The following MCF2L2 variants were observed in gnomAD, a reference collection of about 807,000 sequenced individuals.
MCF2L2 encodes MCF.2 cell line derived transforming sequence-like 2.
A neutral mutation model predicts 150.2 loss-of-function variants in MCF2L2; 102 were observed. That is an observed-to-expected ratio of 0.68 (90% CI 0.58 to 0.80). The LOEUF (loss-of-function observed/expected upper bound fraction) is 0.80, where lower values mean the gene tolerates loss of function less well. MCF2L2 is among the 30% of genes least tolerant of loss of function. The probability of loss-of-function intolerance (pLI) is 0.00; values close to 1 mark genes in which losing one functional copy is unlikely to be tolerated. For missense variants in MCF2L2, 1,256 were observed against 1,372.8 expected (o/e 0.91, Z 1.34); for synonymous variants, 465 against 491.3 (o/e 0.95, Z 0.71).
chr3:183,362,122 T>TC (rs1712246452), intron 3 of MCF2L2, among the ~76,000 whole-genome samples: 1 of 151,986 alleles, frequency 6.6e-6, no homozygotes, highest in East Asian at 1.9e-4. Flanking sequence ...TTTTTTTTTT[T>TC]GAGTTGGAGT....
intron 15 of MCF2L2, among the ~76,000 whole-genome samples, chr3:183,263,614 A>T (rs919428456): frequency 1.3e-5 from 2 of 151,960 alleles, no homozygotes; most frequent in African/African-American, 2.4e-5. Flanking sequence ...ACATTCATGA[A>T]ATTAGTCATC....
chr3:183,351,889 T>C (rs1185131872), intron 3 of MCF2L2, among the ~76,000 whole-genome samples: 1 of 152,218 alleles, frequency 6.6e-6, no homozygotes, highest in Non-Finnish European at 1.5e-5. Context: ...TAACAGAAGC[T>C]CATCTCAAGC....
intron 15 of MCF2L2, among the ~76,000 whole-genome samples, chr3:183,244,357 C>A (rs1187341738): frequency 6.6e-6 from 1 of 152,116 alleles, no homozygotes; most frequent in African/African-American, 2.4e-5. Flanking sequence ...TGGCACTTGG[C>A]CACAGACTGC....
At chr3:183,395,917 CAA>C (rs11338932) in intron 1 of MCF2L2, among the ~76,000 whole-genome samples, 54 of 58,072 alleles carry the variant, frequency 9.3e-4, no homozygotes, top group African/African-American at 3.4e-3. Flanking sequence ...GACATCGTCT[CAA>C]AAAAAAAAAA....
chr3:183,310,688 A>G (rs1419711269), intron 9 of MCF2L2: 6 of 506,874 alleles, frequency 1.2e-5, no homozygotes, highest in Non-Finnish European at 2.1e-5. Context: ...ATAAACCATC[A>G]CTGAAATGCC....
intron 6 of MCF2L2, 95 bp downstream of exon 6, chr3:183,323,140 A>T: frequency 1.2e-6 from 1 of 825,870 alleles, no homozygotes; most frequent in Non-Finnish European, 2.0e-6. Flanking sequence ...AGGCAGTCAC[A>T]GGGTGACCTC....
intron 5 of MCF2L2, among the ~76,000 whole-genome samples, chr3:183,323,602 A>G (rs1379771476): frequency 6.6e-6 from 1 of 151,710 alleles, no homozygotes; most frequent in Non-Finnish European, 1.5e-5. Context: ...GACCAGCCAG[A>G]GCAACATAGC....
intron 2 of MCF2L2, among the ~76,000 whole-genome samples, chr3:183,389,313 C>T (rs118111013): frequency 1.2e-4 from 19 of 152,290 alleles, no homozygotes; most frequent in African/African-American, 2.4e-4. Context: ...CAGCAACGCT[C>T]GGGAACCCTT....
intron 5 of MCF2L2, among the ~76,000 whole-genome samples, chr3:183,329,670 A>G (rs1192659843): frequency 1.3e-5 from 2 of 152,278 alleles, no homozygotes; most frequent in Non-Finnish European, 2.9e-5. Context: ...GAAAGAAGTC[A>G]GACTCAGACT....
chr3:183,211,596 A>C (rs932783656), intron 22 of MCF2L2, among the ~76,000 whole-genome samples: 2 of 152,224 alleles, frequency 1.3e-5, no homozygotes, highest in Admixed American at 6.5e-5. Context: ...AGCTGCAGGG[A>C]CATTCCCTGA....
chr3:183,419,954 T>C (rs1478462843), intron 1 of MCF2L2, among the ~76,000 whole-genome samples: 1 of 152,218 alleles, frequency 6.6e-6, no homozygotes, highest in Non-Finnish European at 1.5e-5. Context: ...AAGTTCAAAG[T>C]TCTACAGATC....
At chr3:183,246,717 G>A (rs1283072378) in intron 15 of MCF2L2, among the ~76,000 whole-genome samples, 1 of 152,086 alleles carries the variant, frequency 6.6e-6, no homozygotes, top group East Asian at 1.9e-4. Context: ...TGGGATTGCT[G>A]GATCATAGGA....
chr3:183,364,388 T>C lies in MCF2L2; in HGVS notation c.275+14909A>G, dbSNP rs1022732804. On this transcript the variant is annotated intron_variant, in intron 3 of 29. Transcript: ENST00000328913. ...AAAAAAAATTAGCTGGGCATGGTGG[T>C]GGGTGCCTGTAGTCCCAGCTACTCA... 5.7e-4 allele frequency among the ~76,000 whole-genome samples: 87 copies of C among 151,528 alleles called. 1 individual carries two copies. Among genetic ancestry groups the C allele is most frequent in the Non-Finnish European group, 3.2e-4 (22 of 67,876 alleles).
intron 27 of MCF2L2, among the ~76,000 whole-genome samples, chr3:183,184,913 T>C (rs866713247): frequency 6.9e-6 from 1 of 144,520 alleles, no homozygotes. Flanking sequence ...ACAACTTTTT[T>C]TTTCTTTTTC....
At chr3:183,228,443 A>C (rs1235406815) in intron 17 of MCF2L2, 77 bp from the exon 18 acceptor site, 1 of 1,003,186 alleles carries the variant, frequency 1.0e-6, no homozygotes, top group Non-Finnish European at 1.5e-6. Context: ...GTACAATCAC[A>C]TAAGGTTTCA....
intron 2 of MCF2L2, among the ~76,000 whole-genome samples, chr3:183,382,596 G>A (rs920498425): frequency 2.1e-4 from 32 of 152,264 alleles, no homozygotes; most frequent in African/African-American, 7.2e-4. Context: ...ACCTTCTGAG[G>A]AAACGCGGTA....
At chr3:183,184,838 A>G (rs1413859716) in intron 27 of MCF2L2, among the ~76,000 whole-genome samples, 1 of 152,166 alleles carries the variant, frequency 6.6e-6, no homozygotes, top group African/African-American at 2.4e-5. Flanking sequence ...GTAGCTCTCA[A>G]TCCATAGATA....
intron 15 of MCF2L2, among the ~76,000 whole-genome samples, chr3:183,247,238 TCAGTCCATTGAAA>T (rs1302185156): frequency 6.6e-6 from 1 of 152,210 alleles, no homozygotes; most frequent in African/African-American, 2.4e-5. Context: ...AGCATGAATG[TCAGTCCATTGAAA>T]CAGTGCCCAC....
At chr3:183,202,362 G>T (rs1266334179) in intron 25 of MCF2L2, among the ~76,000 whole-genome samples, 1 of 152,190 alleles carries the variant, frequency 6.6e-6, no homozygotes, top group East Asian at 1.9e-4. Flanking sequence ...AAATGCTCAG[G>T]AATAAGATGC....
Sources: gnomAD v4.1 joint callset for allele counts (sites outside exome capture counted in the v4.1 genomes callset) on GRCh38, gnomAD v4.1.1 for gene constraint, MANE v1.5 for transcripts, NCBI Gene and HGNC (gene_info 2026-07-23, HGNC 2026-07-21) for gene names.